The following RAD51B variants were observed in gnomAD, a reference collection of about 807,000 sequenced individuals.
RAD51B encodes RAD51 paralog B.
In RAD51B, 38 loss-of-function variants were observed where a neutral mutation model predicts 42.2. The ratio of observed to expected loss-of-function variants is 0.90; its 90% confidence interval spans 0.70 to 1.18. RAD51B has a LOEUF of 1.18. Ranked by LOEUF, RAD51B falls within the 50% of genes most tolerant of loss-of-function variation. The pLI is 0.00. For synonymous variants in RAD51B, 154 were observed against 145.2 expected, an observed-to-expected ratio of 1.06 and a Z score of -0.43; for missense variants, 373 against 400.7, an observed-to-expected ratio of 0.93 and a Z score of 0.59.
intron 8 of RAD51B, among the ~76,000 whole-genome samples, chr14:68,362,426 A>G (rs1000824568): frequency 6.6e-6 from 1 of 152,218 alleles, no homozygotes; most frequent in Admixed American, 6.5e-5. Context: ...TGTTAGCCCC[A>G]TTTTACAGAT....
chr14:68,236,578 G>A (rs2080263500), intron 7 of RAD51B: 1 of 152,204 alleles, frequency 6.6e-6, no homozygotes, highest in African/African-American at 2.4e-5. Context: ...GCTATATAGA[G>A]AGTTTTAGGA....
At chr14:68,672,175 TCTC>T (rs1039700149) in intron 11 of RAD51B, among the ~76,000 whole-genome samples, 1 of 152,194 alleles carries the variant, frequency 6.6e-6, no homozygotes, top group African/African-American at 2.4e-5. Flanking sequence ...CTGTTTTTGT[TCTC>T]CTCCCCATCC....
intron 11 of RAD51B, among the ~76,000 whole-genome samples, chr14:68,673,501 C>T (rs1474288239): frequency 6.6e-6 from 1 of 151,674 alleles, no homozygotes; most frequent in South Asian, 2.1e-4. Flanking sequence ...ACTGTACACA[C>T]ATGTATGTAC....
chr14:68,453,290 A>T (rs1378068228), intron 9 of RAD51B, among the ~76,000 whole-genome samples: 2 of 152,232 alleles, frequency 1.3e-5, no homozygotes, highest in Middle Eastern at 3.2e-3. Flanking sequence ...AATCTTTTTG[A>T]GATATCAACA....
chr14:68,017,297 G>T (rs556984376), intron 7 of RAD51B, among the ~76,000 whole-genome samples: 22 of 152,082 alleles, frequency 1.4e-4, no homozygotes, highest in Non-Finnish European at 2.9e-4. Context: ...CTAGGTTCAA[G>T]TTATTCTTCT....
At chr14:67,936,871 A>G (rs1223113306) in intron 7 of RAD51B, among the ~76,000 whole-genome samples, 3 of 152,152 alleles carry the variant, frequency 2.0e-5, no homozygotes, top group South Asian at 4.1e-4. Context: ...GACCATTTGT[A>G]TATCTCTTTT....
chr14:68,011,817 T>A (rs973531431), intron 7 of RAD51B, among the ~76,000 whole-genome samples: 1 of 152,088 alleles, frequency 6.6e-6, no homozygotes, highest in Non-Finnish European at 1.5e-5. Flanking sequence ...GAGGGAACTG[T>A]TCCCTAAAAA....
intron 7 of RAD51B, among the ~76,000 whole-genome samples, chr14:67,903,913 A>G (rs1448494475): frequency 6.6e-6 from 1 of 152,040 alleles, no homozygotes; most frequent in African/African-American, 2.4e-5. Flanking sequence ...CCCACCAGCC[A>G]CCCTCAAGTA....
chr14:67,951,315 A>G (rs561874314), intron 7 of RAD51B, among the ~76,000 whole-genome samples: 1 of 152,106 alleles, frequency 6.6e-6, no homozygotes, highest in South Asian at 2.1e-4. Flanking sequence ...TAATAATATC[A>G]TTTTATTGTT....
intron 7 of RAD51B, among the ~76,000 whole-genome samples, chr14:67,953,540 A>G (rs997269010): frequency 2.0e-5 from 3 of 152,164 alleles, no homozygotes; most frequent in African/African-American, 7.2e-5. Flanking sequence ...GCTGTGCTTT[A>G]GAATGATTAA....
At chr14:68,049,912 C>CT (rs2140416476) in intron 7 of RAD51B, among the ~76,000 whole-genome samples, 1 of 152,300 alleles carries the variant, frequency 6.6e-6, no homozygotes, top group African/African-American at 2.4e-5. Context: ...TGTACACAAC[C>CT]TTACACTTTT....
intron 7 of RAD51B, among the ~76,000 whole-genome samples, chr14:68,087,146 AAAAG>A (rs1399542301): frequency 2.6e-5 from 4 of 151,944 alleles, no homozygotes; most frequent in Admixed American, 6.5e-5. Flanking sequence ...AAAAAAAAAA[AAAAG>A]AGAGAGAGAG....
intron 8 of RAD51B, among the ~76,000 whole-genome samples, chr14:68,407,254 A>G (rs2084301785): frequency 6.6e-6 from 1 of 152,348 alleles, no homozygotes; most frequent in South Asian, 2.1e-4. Context: ...ATAAAAGTGT[A>G]GTAACTACAT....
chr14:68,155,588 G>A (rs72725200), intron 7 of RAD51B, among the ~76,000 whole-genome samples: 1,618 of 152,162 alleles, frequency 0.011, 8 homozygotes, highest in Non-Finnish European at 0.014. Context: ...GTGATTTTTG[G>A]CAAGAGAAGA....
At chr14:68,239,509 T>G (rs2080338579) in intron 7 of RAD51B, among the ~76,000 whole-genome samples, 1 of 136,924 alleles carries the variant, frequency 7.3e-6, no homozygotes, top group Non-Finnish European at 1.5e-5. Flanking sequence ...CTCCACAGTC[T>G]TTTTTTTTTT....
intron 7 of RAD51B, among the ~76,000 whole-genome samples, chr14:68,108,305 A>C (rs1262790082): frequency 1.3e-5 from 2 of 151,984 alleles, no homozygotes; most frequent in Non-Finnish European, 2.9e-5. Context: ...TGTTTACACA[A>C]AACTTTGTAC....
At chr14:67,923,298 C>CTTTTTTTTTTTTTTTTTTTTTTT (rs34809964) in intron 7 of RAD51B, among the ~76,000 whole-genome samples, 1 of 123,658 alleles carries the variant, frequency 8.1e-6, no homozygotes, top group Admixed American at 8.2e-5. Flanking sequence ...TTTTCTTTTT[C>CTTTTTTTTTTTTTTTTTTTTTTT]TTTTTTTTTT....
At chr14:67,931,019 C>T (rs2044712229) in intron 7 of RAD51B, among the ~76,000 whole-genome samples, 1 of 151,830 alleles carries the variant, frequency 6.6e-6, no homozygotes, top group Non-Finnish European at 1.5e-5. Flanking sequence ...CGCCTGCATT[C>T]ATGCCATTCT....
At chr14:68,189,741 A>C (rs1193432348) in intron 7 of RAD51B, among the ~76,000 whole-genome samples, 2 of 152,032 alleles carry the variant, frequency 1.3e-5, no homozygotes, top group African/African-American at 4.8e-5. Context: ...ATCTCGGCTC[A>C]CTACAACCTC....
Sources: allele counts gnomAD v4.1 joint callset (sites outside exome capture counted in the v4.1 genomes callset), GRCh38; gene constraint gnomAD v4.1.1; transcripts MANE v1.5; gene names NCBI Gene and HGNC (gene_info 2026-07-23, HGNC 2026-07-21).